The following IGSF10 variants were observed in gnomAD, a reference collection of about 807,000 sequenced individuals.
The protein encoded by IGSF10 is calvaria mechanical force protein 608.
In IGSF10, 126 loss-of-function variants were observed where a neutral mutation model predicts 128.2. The observed-to-expected ratio is 0.98, with a 90% CI of 0.85 to 1.14. The LOEUF is 1.14. Among genes scored for constraint, IGSF10 ranks in the 50% most tolerant of loss-of-function variants. The pLI, the probability that IGSF10 is intolerant of heterozygous loss-of-function variation, is 0.00. For synonymous variants in IGSF10, 1,185 were observed against 1,146.2 expected (o/e 1.03, Z -0.68); for missense variants, 3,295 against 3,149.8 (o/e 1.05, Z -1.10).
the IGSF10 span, among the ~76,000 whole-genome samples, chr3:151,487,151 C>T: frequency 6.6e-6 from 1 of 152,074 alleles, no homozygotes; most frequent in Non-Finnish European, 1.5e-5. Context: ...AAGAGAATAT[C>T]ACCACTGATC....
the IGSF10 span, among the ~76,000 whole-genome samples, chr3:151,478,433 T>A: frequency 2.0e-5 from 3 of 152,214 alleles, no homozygotes; most frequent in South Asian, 6.2e-4. Context: ...TCTTCAGAAG[T>A]CAAAAGTCAC....
chr3:151,519,912 TTA>T, the IGSF10 span, among the ~76,000 whole-genome samples: 1 of 151,864 alleles, frequency 6.6e-6, no homozygotes, highest in Non-Finnish European at 1.5e-5. Context: ...ATTGATTTTG[TTA>T]TAGTGCATAT....
chr3:151,481,500 T>G, the IGSF10 span, among the ~76,000 whole-genome samples: 1 of 152,142 alleles, frequency 6.6e-6, no homozygotes, highest in Non-Finnish European at 1.5e-5. Context: ...AGGCTAGTGC[T>G]GTACCCTACC....
chr3:151,535,685 T>C, the IGSF10 span, among the ~76,000 whole-genome samples: 1 of 152,194 alleles, frequency 6.6e-6, no homozygotes, highest in South Asian at 2.1e-4. Flanking sequence ...TAAAGTATGG[T>C]AGGTATTACA....
the IGSF10 span, among the ~76,000 whole-genome samples, chr3:151,527,078 T>G: frequency 6.6e-6 from 1 of 152,196 alleles, no homozygotes; most frequent in Admixed American, 6.5e-5. Context: ...AGAAAAAAAT[T>G]TTTTTCCCTA....
In IGSF10 at chr3:151,438,166, A is replaced by C. The variant is rs769194536; in HGVS notation, c.6395T>G (p.Val2132Gly). The change falls in exon 8 of 8, where the codon GTC (valine) becomes GGC (glycine). Residue 2132 changes from valine (V) to glycine (G), a missense_variant. Val to Gly is a moderately radical substitution (Grantham distance 109). Coordinates refer to ENST00000282466, the MANE Select transcript of IGSF10 (RefSeq NM_178822.5). The part of the protein sequence containing the change: ...QNTLGKDEMK[V>G]HLTVITAAPR... Reference sequence around the variant, plus strand: ...AGCAGCTGTTATAACTGTTAAGTGGACCTTCATTTCATCTTTCCCTAGGGT... The same window carrying C: ...AGCAGCTGTTATAACTGTTAAGTGGCCCTTCATTTCATCTTTCCCTAGGGT... 1.9e-6 allele frequency: 3 copies of C among 1,613,746 alleles called. No individual in the cohort carries two copies. The highest frequency in any genetic ancestry group is 2.2e-5 in the South Asian group (2 of 91,068).
chr3:151,612,935 G>C, the IGSF10 span, among the ~76,000 whole-genome samples: 6 of 152,132 alleles, frequency 3.9e-5, no homozygotes, highest in Admixed American at 2.6e-4. Flanking sequence ...GTTGGTAGAA[G>C]TGTAAATTAG....
At chr3:151,608,028 A>C in the IGSF10 span, among the ~76,000 whole-genome samples, 1 of 151,988 alleles carries the variant, frequency 6.6e-6, no homozygotes, top group South Asian at 2.1e-4. Flanking sequence ...TGAGAACTAT[A>C]AATGTCCTGT....
chr3:151,560,412 T>C, the IGSF10 span, among the ~76,000 whole-genome samples: 2 of 152,134 alleles, frequency 1.3e-5, no homozygotes, highest in Admixed American at 1.3e-4. Context: ...TAATCATCTG[T>C]TCCTTCTTAC....
chr3:151,617,240 C>T, the IGSF10 span, among the ~76,000 whole-genome samples: 57,068 of 112,546 alleles, frequency 0.51, 13,193 homozygotes, highest in East Asian at 0.68. Context: ...CTTCTTCTTC[C>T]TCCTCCTCTT....
At chr3:151,501,477 A>C in the IGSF10 span, among the ~76,000 whole-genome samples, 9 of 152,032 alleles carry the variant, frequency 5.9e-5, no homozygotes, top group African/African-American at 1.9e-4. Flanking sequence ...AAAAAATGGT[A>C]CCCGAGATTA....
At chr3:151,576,708 A>G in the IGSF10 span, among the ~76,000 whole-genome samples, 1 of 152,186 alleles carries the variant, frequency 6.6e-6, no homozygotes, top group Non-Finnish European at 1.5e-5. Context: ...ATATTAGCAT[A>G]CTAAAGGAAA....
At chr3:151,498,634 T>C in the IGSF10 span, among the ~76,000 whole-genome samples, 1 of 152,144 alleles carries the variant, frequency 6.6e-6, no homozygotes, top group Non-Finnish European at 1.5e-5. Flanking sequence ...GCGAATGCAG[T>C]AATGGGACAT....
chr3:151,437,973 C>T lies in IGSF10; in HGVS notation c.6588G>A (p.Gly2196=). Residue 2196 remains glycine, a synonymous_variant, in exon 8 of 8, where the codon GGG becomes GGA. Transcript: ENST00000282466. ...SIDRYTFHAN[G]SLTINKVKLL... ...GTTTCACTTTGTTGATGGTCAAAGA[C>T]CCATTGGCATGAAATGTGTACCTAT... 1 of 1,614,148 alleles carries T rather than the reference C, an allele frequency of 6.2e-7. No individual in the cohort carries two copies. Among genetic ancestry groups the T allele is most frequent in the Non-Finnish European group, 8.5e-7 (1 of 1,180,004 alleles).
the IGSF10 span, among the ~76,000 whole-genome samples, chr3:151,531,472 A>G: frequency 6.6e-6 from 1 of 152,202 alleles, no homozygotes; most frequent in South Asian, 2.1e-4. Flanking sequence ...AATGGAAATC[A>G]TAACAAACAG....
chr3:151,609,355 T>C, the IGSF10 span, among the ~76,000 whole-genome samples: 1 of 152,204 alleles, frequency 6.6e-6, no homozygotes, highest in Non-Finnish European at 1.5e-5. Flanking sequence ...TGAGAAATCA[T>C]TGAAGAATTT....
chr3:151,444,983 G>A lies in IGSF10; in HGVS notation c.4998C>T (p.Ala1666=), dbSNP rs1721093415. Reference sequence around the variant, plus strand: ...TTCCAACAGCTTCACAGGGAAGAAAGGCATCTGAGTTAGCTGGAATAGTAA... The same window carrying A: ...TTCCAACAGCTTCACAGGGAAGAAAAGCATCTGAGTTAGCTGGAATAGTAA... ...ASFTIPANSD[A]FLPCEAVGNP... is the part of the protein sequence containing the mutation. Residue 1666 remains alanine (A), a synonymous_variant, in exon 6 of 8, where the codon GCC becomes GCT. Coordinates refer to ENST00000282466, the MANE Select transcript of IGSF10 (RefSeq NM_178822.5). 1.2e-6 allele frequency: 2 copies of A among 1,614,148 alleles called. No individual in the cohort carries two copies. Among genetic ancestry groups the A allele is most frequent in the Non-Finnish European group, 1.7e-6 (2 of 1,179,994 alleles).
chr3:151,614,400 A>G, the IGSF10 span, among the ~76,000 whole-genome samples: 1 of 152,348 alleles, frequency 6.6e-6, no homozygotes, highest in Non-Finnish European at 1.5e-5. Context: ...TATTCACACT[A>G]GCAAAGACTT....
chr3:151,480,641 C>T, the IGSF10 span, among the ~76,000 whole-genome samples: 1 of 152,004 alleles, frequency 6.6e-6, no homozygotes, highest in Admixed American at 6.5e-5. Context: ...GCTGCCACTG[C>T]ACCATGCCCA....
Sources: allele counts gnomAD v4.1 joint callset (sites outside exome capture counted in the v4.1 genomes callset), GRCh38; gene constraint gnomAD v4.1.1; transcripts MANE v1.5; gene names NCBI Gene and HGNC (gene_info 2026-07-23, HGNC 2026-07-21).